AGBL1: variants seen among roughly 807,000 people sequenced by gnomAD.
AGBL1 encodes the protein cytosolic carboxypeptidase 4.
Under a neutral mutation model 118.9 loss-of-function variants are expected in AGBL1, and 130 were observed. The observed-to-expected ratio is 1.09, with a 90% confidence interval of 0.95 to 1.26. The LOEUF is 1.26. AGBL1 is among the 50% of genes most tolerant of loss of function. AGBL1 has a pLI of 0.00. For missense variants in AGBL1, 1,584 were observed against 1,298.1 expected (o/e 1.22, Z -3.38); for synonymous variants, 555 against 478.9 (o/e 1.16, Z -2.08).
downstream of AGBL1, among the ~76,000 whole-genome samples, chr15:86,919,847 A>G (rs968780155): frequency 2.0e-4 from 30 of 152,158 alleles, no homozygotes; most frequent in Non-Finnish European, 4.1e-4. Context: ...AAGCACTCAC[A>G]GTGTCTGGAG....
chr15:86,540,261 C>A (rs928313499), intron 19 of AGBL1, among the ~76,000 whole-genome samples: 1 of 152,152 alleles, frequency 6.6e-6, no homozygotes, highest in East Asian at 1.9e-4. Flanking sequence ...TAGCAGTTAC[C>A]CAGTAAATAT....
At chr15:86,626,836 CTTT>C (rs11318598) in intron 21 of AGBL1, among the ~76,000 whole-genome samples, 7 of 117,820 alleles carry the variant, frequency 5.9e-5, no homozygotes, top group Non-Finnish European at 6.9e-5. Flanking sequence ...ATATACTTTT[CTTT>C]TTTTTTTTTT....
chr15:86,956,589 G>C (rs2141678657), intron 23 of AGBL1, among the ~76,000 whole-genome samples: 1 of 152,286 alleles, frequency 6.6e-6, no homozygotes, highest in East Asian at 1.9e-4. Flanking sequence ...CAACAGATCA[G>C]ATGCGGTCCA....
At chr15:86,228,848 T>G (rs1182794951) in intron 6 of AGBL1, among the ~76,000 whole-genome samples, 2 of 152,216 alleles carry the variant, frequency 1.3e-5, no homozygotes, top group Non-Finnish European at 1.5e-5. Flanking sequence ...CTGGAAATCC[T>G]AGTTCTCTTC....
chr15:86,163,377 C>T (rs777136675), intron 5 of AGBL1, among the ~76,000 whole-genome samples: 9 of 152,120 alleles, frequency 5.9e-5, no homozygotes, highest in Non-Finnish European at 1.0e-4. Context: ...TACAGTGAGT[C>T]ATGACTATGC....
intron 22 of AGBL1, among the ~76,000 whole-genome samples, chr15:86,859,657 C>T (rs914288239): frequency 3.3e-5 from 5 of 152,146 alleles, no homozygotes; most frequent in African/African-American, 1.2e-4. Context: ...TCACGAGAGG[C>T]TTGACCAGCT....
At chr15:86,115,489 G>A (rs1251748784) in intron 1 of AGBL1, among the ~76,000 whole-genome samples, 2 of 152,148 alleles carry the variant, frequency 1.3e-5, no homozygotes, top group African/African-American at 2.4e-5. Context: ...GATCACTGTT[G>A]TTTGAAAAGA....
At chr15:86,984,351 ATT>A (rs1166169038) in intron 23 of AGBL1, among the ~76,000 whole-genome samples, 1 of 91,688 alleles carries the variant, frequency 1.1e-5, no homozygotes, top group Non-Finnish European at 2.2e-5. Context: ...ATTGTTTTCC[ATT>A]TTTTTCTCTC....
At chr15:86,457,937 AGT>A (rs1326949452) in intron 18 of AGBL1, among the ~76,000 whole-genome samples, 1 of 152,174 alleles carries the variant, frequency 6.6e-6, no homozygotes, top group Non-Finnish European at 1.5e-5. Flanking sequence ...TTCAACTGTC[AGT>A]GCTTTCGATC....
chr15:86,388,606 A>T (rs941666395), intron 17 of AGBL1, among the ~76,000 whole-genome samples: 1 of 152,146 alleles, frequency 6.6e-6, no homozygotes, highest in Admixed American at 6.6e-5. Context: ...CTTCCAATTC[A>T]TACTTTACAT....
intron 21 of AGBL1, among the ~76,000 whole-genome samples, chr15:86,599,084 T>C (rs559181872): frequency 6.6e-6 from 1 of 152,122 alleles, no homozygotes; most frequent in Non-Finnish European, 1.5e-5. Flanking sequence ...TGTGAGACGT[T>C]GATAATCCTG....
chr15:86,817,716 G>A (rs1180991731), intron 22 of AGBL1, among the ~76,000 whole-genome samples: 1 of 151,758 alleles, frequency 6.6e-6, no homozygotes, highest in African/African-American at 2.4e-5. Context: ...GTTGAATTGT[G>A]GTCCTCCAAA....
At chr15:86,870,150 G>T (rs2079699588) in intron 22 of AGBL1, among the ~76,000 whole-genome samples, 1 of 152,186 alleles carries the variant, frequency 6.6e-6, no homozygotes, top group South Asian at 2.1e-4. Flanking sequence ...GAACTTTCTA[G>T]TTAAATTGTC....
intron 18 of AGBL1, among the ~76,000 whole-genome samples, chr15:86,512,115 C>T (rs1309276018): frequency 1.3e-5 from 2 of 151,868 alleles, no homozygotes; most frequent in African/African-American, 4.8e-5. Context: ...GCTCTGGGGA[C>T]ACAGAGGTAC....
In AGBL1 at chr15:86,158,233, T is replaced by C. The variant is rs73443460; in HGVS notation, c.395-700T>C. 4.0e-3 allele frequency among the ~76,000 whole-genome samples: 546 copies of C among 137,676 alleles called. 3 individuals carry two copies. The highest frequency in any genetic ancestry group is 0.013 in the African/African-American group (526 of 40,644). 90.3% of individuals were successfully genotyped at this position (137,676 alleles called of 152,430 possible). ...GCCTCAGTCTCTATCTGAAAGACTG[T>C]AGTGAGATGAGGAAGCTTCAGATTT... On this transcript the variant is annotated intron_variant, in intron 4 of 22. Coordinates refer to ENST00000614907, the MANE Select transcript of AGBL1 (RefSeq NM_001386094.1).
intron 22 of AGBL1, among the ~76,000 whole-genome samples, chr15:86,763,160 A>G (rs1219766663): frequency 1.3e-5 from 2 of 151,822 alleles, no homozygotes; most frequent in African/African-American, 2.4e-5. Context: ...CACAAGGATG[A>G]CAACAACAAC....
intron 22 of AGBL1, among the ~76,000 whole-genome samples, chr15:86,715,811 C>A (rs916395345): frequency 6.6e-6 from 1 of 152,126 alleles, no homozygotes; most frequent in Non-Finnish European, 1.5e-5. Flanking sequence ...GTAATCCCAG[C>A]ACTTTGGGAG....
chr15:86,404,305 A>G (rs557267922), intron 18 of AGBL1, among the ~76,000 whole-genome samples: 1 of 152,222 alleles, frequency 6.6e-6, no homozygotes, highest in South Asian at 2.1e-4. Flanking sequence ...TTTCTCTACT[A>G]GAGAATGCTG....
intron 23 of AGBL1, among the ~76,000 whole-genome samples, chr15:86,948,663 C>G (rs572204719): frequency 1.3e-5 from 2 of 152,278 alleles, no homozygotes; most frequent in South Asian, 4.1e-4. Context: ...TATTTAATTG[C>G]CAGAACATTC....
Sources: gnomAD v4.1 joint callset for allele counts (sites outside exome capture counted in the v4.1 genomes callset) on GRCh38, gnomAD v4.1.1 for gene constraint, MANE v1.5 for transcripts, NCBI Gene and HGNC (gene_info 2026-07-23, HGNC 2026-07-21) for gene names.